Variants in ADAM23 observed in about 807,000 individuals in gnomAD.
ADAM23 encodes the protein disintegrin and metalloproteinase domain-containing protein 23.
A neutral mutation model predicts 120.1 loss-of-function variants in ADAM23; 33 were observed. The observed-to-expected ratio is 0.27, with a 90% confidence interval of 0.21 to 0.37. The LOEUF (loss-of-function observed/expected upper bound fraction) is 0.37. Among genes scored for constraint, ADAM23 ranks in the 10% least tolerant of loss-of-function variants. The pLI is 1.00. For synonymous variants in ADAM23, 367 were observed against 375.2 expected, an observed-to-expected ratio of 0.98 and a Z score of 0.25; for missense variants, 862 against 1,058.2, an observed-to-expected ratio of 0.81 and a Z score of 2.57.
At chr2:206,562,484 T>G (rs1697786911) in intron 13 of ADAM23, among the ~76,000 whole-genome samples, 191 bp downstream of exon 13, 1 of 152,232 alleles carries the variant, frequency 6.6e-6, no homozygotes, top group Non-Finnish European at 1.5e-5. Context: ...AAAATTTCCC[T>G]TTCAAAATCC....
intron 3 of ADAM23, among the ~76,000 whole-genome samples, chr2:206,507,954 T>C (rs1046759005): frequency 6.6e-6 from 1 of 152,194 alleles, no homozygotes; most frequent in African/African-American, 2.4e-5. Context: ...TTTCTAGGTC[T>C]GTCTCTCAGT....
chr2:206,456,109 T>G (rs1249271813), intron 2 of ADAM23, among the ~76,000 whole-genome samples: 5 of 152,152 alleles, frequency 3.3e-5, no homozygotes, highest in African/African-American at 9.7e-5. Flanking sequence ...CTAGGTAATT[T>G]ATGAAGAAAA....
intron 4 of ADAM23, among the ~76,000 whole-genome samples, chr2:206,539,398 C>T (rs1442501053): frequency 6.6e-6 from 1 of 152,180 alleles, no homozygotes; most frequent in African/African-American, 2.4e-5. Context: ...AGGTCTGTGA[C>T]CCACTCCTAG....
intron 24 of ADAM23, among the ~76,000 whole-genome samples, chr2:206,608,310 C>T (rs1444121645): frequency 6.6e-6 from 1 of 152,150 alleles, no homozygotes; most frequent in Non-Finnish European, 1.5e-5. Context: ...GGTCTGTGGG[C>T]TCCAGTTTCC....
intron 3 of ADAM23, 63 bp from the exon 4 acceptor site, chr2:206,530,822 G>C: frequency 6.8e-7 from 1 of 1,462,880 alleles, no homozygotes; most frequent in South Asian, 1.2e-5. Flanking sequence ...TTATTGAGCC[G>C]ATTGTTTTTA....
chr2:206,450,848 A>G (rs893671827), intron 2 of ADAM23, among the ~76,000 whole-genome samples: 1 of 152,210 alleles, frequency 6.6e-6, no homozygotes, highest in African/African-American at 2.4e-5. Context: ...GCAGACATTT[A>G]TTGAATACTT....
intron 18 of ADAM23, among the ~76,000 whole-genome samples, chr2:206,577,179 A>G (rs1381115537): frequency 6.6e-6 from 1 of 152,180 alleles, no homozygotes; most frequent in Non-Finnish European, 1.5e-5. Context: ...ACTGTCTTTT[A>G]TTAGCCTAAA....
chr2:206,487,937 G>A (rs561100316), intron 3 of ADAM23, among the ~76,000 whole-genome samples: 22 of 152,196 alleles, frequency 1.4e-4, no homozygotes, highest in Non-Finnish European at 2.9e-4. Flanking sequence ...CCAAAACTTG[G>A]AGAGTAAGGT....
At chr2:206,587,739 G>A (rs1039771684) in intron 19 of ADAM23, among the ~76,000 whole-genome samples, 18 of 152,088 alleles carry the variant, frequency 1.2e-4, no homozygotes, top group Non-Finnish European at 1.8e-4. Context: ...CTACAGGTGA[G>A]TATCATGATG....
intron 24 of ADAM23, among the ~76,000 whole-genome samples, chr2:206,609,528 A>C (rs1698789536): frequency 6.6e-6 from 1 of 152,152 alleles, no homozygotes; most frequent in Admixed American, 6.5e-5. Flanking sequence ...CCCATTTGTG[A>C]GTCAGATGGA....
intron 2 of ADAM23, among the ~76,000 whole-genome samples, chr2:206,457,923 C>T (rs994468599): frequency 1.3e-5 from 2 of 152,142 alleles, no homozygotes; most frequent in African/African-American, 4.8e-5. Flanking sequence ...ATGATATACA[C>T]CAAATTTAAA....
chr2:206,469,197 C>G (rs1447506686), intron 2 of ADAM23, among the ~76,000 whole-genome samples: 2 of 152,178 alleles, frequency 1.3e-5, no homozygotes, highest in South Asian at 2.1e-4. Context: ...ACTGCCTATT[C>G]ACAACTCCAC....
At chr2:206,555,660 G>C (rs1697628265) in intron 9 of ADAM23, among the ~76,000 whole-genome samples, 1 of 152,048 alleles carries the variant, frequency 6.6e-6, no homozygotes, top group African/African-American at 2.4e-5. Context: ...TTTAAAACTT[G>C]AAATGTTTTA....
chr2:206,584,820 T>A (rs1698289999), intron 18 of ADAM23, among the ~76,000 whole-genome samples: 1 of 152,166 alleles, frequency 6.6e-6, no homozygotes, highest in Non-Finnish European at 1.5e-5. Context: ...CTGTGGAGTT[T>A]TACCCCCTGC....
intron 3 of ADAM23, among the ~76,000 whole-genome samples, chr2:206,512,757 A>C (rs1574506488): frequency 1.3e-5 from 2 of 152,262 alleles, no homozygotes; most frequent in East Asian, 3.9e-4. Flanking sequence ...TGCTTTGCAG[A>C]TATTGTGCTT....
chr2:206,448,327 T>C (rs972375869), intron 2 of ADAM23, among the ~76,000 whole-genome samples: 1 of 152,242 alleles, frequency 6.6e-6, no homozygotes, highest in South Asian at 2.1e-4. Context: ...TCTGATGATT[T>C]ATTATAAATT....
chr2:206,471,736 A>G (rs1165724830), intron 2 of ADAM23, among the ~76,000 whole-genome samples: 4 of 152,176 alleles, frequency 2.6e-5, no homozygotes, highest in African/African-American at 7.2e-5. Context: ...TTGGTGATGT[A>G]GGAATTGACG....
chr2:206,555,065 TCTAC>T (rs1374165862), intron 9 of ADAM23, among the ~76,000 whole-genome samples: 1 of 152,156 alleles, frequency 6.6e-6, no homozygotes, highest in Non-Finnish European at 1.5e-5. Flanking sequence ...TTGTATACTC[TCTAC>T]CTAAGTAACA....
chr2:206,472,885 T>G (rs1017122706), intron 2 of ADAM23, among the ~76,000 whole-genome samples: 1 of 152,208 alleles, frequency 6.6e-6, no homozygotes, highest in African/African-American at 2.4e-5. Context: ...GGTGATCTGC[T>G]TCCTTTAAGT....
Sources: gnomAD v4.1 joint callset for allele counts (sites outside exome capture counted in the v4.1 genomes callset) on GRCh38, gnomAD v4.1.1 for gene constraint, MANE v1.5 for transcripts, NCBI Gene and HGNC (gene_info 2026-07-23, HGNC 2026-07-21) for gene names.